Variants in DMD observed in about 807,000 individuals in gnomAD.
The protein encoded by DMD is mutant dystrophin.
A neutral mutation model predicts 330.1 loss-of-function variants in DMD; 63 were observed. The observed-to-expected ratio is 0.19, with a 90% CI of 0.16 to 0.24. The LOEUF is 0.24. DMD is among the 10% of genes least tolerant of loss of function. The pLI is 1.00. For synonymous variants in DMD, 1,223 were observed against 959.8 expected, an observed-to-expected ratio of 1.27 and a Z score of -5.07; for missense variants, 3,344 against 2,684.1, an observed-to-expected ratio of 1.25 and a Z score of -5.43.
intron 44 of DMD, among the ~76,000 whole-genome samples, chrX:32,034,355 T>C (rs944221743): frequency 8.9e-6 from 1 of 111,999 alleles, no homozygotes; most frequent in Admixed American, 9.5e-5. Flanking sequence ...CTAAATTAAT[T>C]ATTTTAAATG....
intron 2 of DMD, among the ~76,000 whole-genome samples, chrX:32,961,678 C>A (rs2091902948): frequency 9.0e-6 from 1 of 111,494 alleles, no homozygotes; most frequent in African/African-American, 3.3e-5. Flanking sequence ...GACTTTATCA[C>A]TGAGATAATC....
intron 7 of DMD, among the ~76,000 whole-genome samples, chrX:32,803,616 C>T (rs2076744127): frequency 8.9e-6 from 1 of 111,914 alleles, no homozygotes; most frequent in South Asian, 3.7e-4. Flanking sequence ...TTTCCCTCTT[C>T]TAAACACTTC....
intron 74 of DMD, among the ~76,000 whole-genome samples, chrX:31,154,821 T>G (rs763813106): frequency 2.1e-4 from 23 of 111,333 alleles, no homozygotes; most frequent in Non-Finnish European, 3.0e-4. Context: ...GTAAATTATA[T>G]TTCTCTGGTA....
At chrX:31,375,714 A>T (rs1023904128) in intron 60 of DMD, among the ~76,000 whole-genome samples, 1 of 111,901 alleles carries the variant, frequency 8.9e-6, no homozygotes. Context: ...GGGGGAAAGG[A>T]GGAAATGAGA....
intron 9 of DMD, among the ~76,000 whole-genome samples, chrX:32,666,134 C>T (rs764510231): frequency 1.1e-3 from 124 of 111,034 alleles, no homozygotes; most frequent in Non-Finnish European, 2.0e-3. Context: ...GTGTATTGGA[C>T]GTGGGCACTA....
At chrX:32,421,918 C>T (rs1248903925) in intron 29 of DMD, among the ~76,000 whole-genome samples, 1 of 111,519 alleles carries the variant, frequency 9.0e-6, no homozygotes, top group Non-Finnish European at 1.9e-5. Context: ...CATTGTGGTT[C>T]GGGTGAGGGA....
intron 18 of DMD, chrX:32,516,729 C>T (rs2045896970): frequency 9.0e-6 from 1 of 111,255 alleles, no homozygotes; most frequent in Non-Finnish European, 1.9e-5. Flanking sequence ...TTTTCTACTA[C>T]TAAGAGAATT....
chrX:32,661,342 T>A (rs970804587), intron 9 of DMD, among the ~76,000 whole-genome samples: 1 of 110,514 alleles, frequency 9.0e-6, no homozygotes, highest in Non-Finnish European at 1.9e-5. Flanking sequence ...CTAAATCATC[T>A]AATTTAACCT....
intron 65 of DMD, among the ~76,000 whole-genome samples, chrX:31,208,026 A>T (rs140595592): frequency 2.7e-5 from 3 of 111,919 alleles, no homozygotes; most frequent in African/African-American, 9.7e-5. Flanking sequence ...GTGTCTTTCA[A>T]TAGTTTTTTG....
At chrX:31,371,965 C>A (rs2059604069) in intron 60 of DMD, among the ~76,000 whole-genome samples, 1 of 111,919 alleles carries the variant, frequency 8.9e-6, no homozygotes, top group South Asian at 3.8e-4. Context: ...TGATACTACT[C>A]ATCAGAGGTA....
chrX:32,173,358 C>A (rs987986983), intron 44 of DMD, among the ~76,000 whole-genome samples: 1 of 110,108 alleles, frequency 9.1e-6, no homozygotes, highest in Admixed American at 9.8e-5. Flanking sequence ...TCTGATGCTT[C>A]CTAAAAATTA....
intron 43 of DMD, among the ~76,000 whole-genome samples, chrX:32,265,168 C>G (rs754727699): frequency 2.7e-5 from 3 of 111,765 alleles, no homozygotes; most frequent in African/African-American, 9.8e-5. Context: ...CTGGGCCGGG[C>G]CCAGAGCCCC....
chrX:32,486,305 A>C (rs1244920618), intron 20 of DMD, among the ~76,000 whole-genome samples: 1 of 111,984 alleles, frequency 8.9e-6, no homozygotes, highest in Non-Finnish European at 1.9e-5. Flanking sequence ...GTTTTTAAAT[A>C]CTGATTACAC....
At chrX:31,854,580 G>T (rs1038375869) in intron 48 of DMD, among the ~76,000 whole-genome samples, 1 of 111,531 alleles carries the variant, frequency 9.0e-6, no homozygotes, top group African/African-American at 3.3e-5. Context: ...TCAGAAACTT[G>T]CCTAGGGCAC....
At chrX:32,188,614 C>G (rs765121464) in intron 44 of DMD, among the ~76,000 whole-genome samples, 26 of 108,318 alleles carry the variant, frequency 2.4e-4, no homozygotes, top group East Asian at 1.1e-3. Context: ...ACCCATTTCT[C>G]TAGCCTTATG....
At chrX:31,631,111 C>A (rs902716848) in intron 54 of DMD, among the ~76,000 whole-genome samples, 1 of 111,432 alleles carries the variant, frequency 9.0e-6, no homozygotes, top group Non-Finnish European at 1.9e-5. Flanking sequence ...AATTCCCAGG[C>A]CTCAGCCTAG....
chrX:31,561,580 C>T (rs755925581), intron 55 of DMD, among the ~76,000 whole-genome samples: 7 of 111,699 alleles, frequency 6.3e-5, no homozygotes, highest in Non-Finnish European at 9.4e-5. Context: ...CCTTAAAATG[C>T]GGGTTAACTC....
chrX:32,667,056 G>T (rs2061348022), intron 9 of DMD, among the ~76,000 whole-genome samples: 1 of 92,375 alleles, frequency 1.1e-5, no homozygotes, highest in Admixed American at 1.1e-4. Flanking sequence ...AAGACATTAT[G>T]GCATATATGC....
rs748811348 is a variant in DMD at position 32,472,161 on chromosome X, G to T, written c.2949+3C>A. ...TTGTTTTGACATTCAAATATTCACA[G>T]ACCTGCAATTCCCCGAGTCTCTGCT... On this transcript the variant is annotated splice_donor_region_variant and intron_variant, in intron 22 of 78. Coordinates refer to ENST00000357033, the MANE Select transcript of DMD (RefSeq NM_004006.3). 3 of 1,210,516 alleles carry T rather than the reference G, an allele frequency of 2.5e-6. No homozygotes were observed. The highest frequency in any genetic ancestry group is 1.8e-5 in the South Asian group (1 of 56,971).
Sources: gnomAD v4.1 joint callset for allele counts (sites outside exome capture counted in the v4.1 genomes callset) on GRCh38, gnomAD v4.1.1 for gene constraint, MANE v1.5 for transcripts, NCBI Gene and HGNC (gene_info 2026-07-23, HGNC 2026-07-21) for gene names.